The following LMX1A variants were observed in gnomAD, a reference collection of about 807,000 sequenced individuals.
The protein encoded by LMX1A is LIM homeobox transcription factor 1-alpha.
A neutral mutation model predicts 49.1 loss-of-function variants in LMX1A; 15 were observed. That is an observed-to-expected ratio of 0.31 (90% CI 0.20 to 0.47). The LOEUF is 0.47. Among genes scored for constraint, LMX1A ranks in the 20% least tolerant of loss-of-function variants. LMX1A has a pLI of 1.00. For missense variants in LMX1A, 372 were observed against 475.8 expected (o/e 0.78, Z 2.03); for synonymous variants, 167 against 185.7 (o/e 0.90, Z 0.82).
intron 3 of LMX1A, among the ~76,000 whole-genome samples, chr1:165,281,710 C>T (rs1324744125): frequency 6.6e-6 from 1 of 151,374 alleles, no homozygotes; most frequent in African/African-American, 2.4e-5. Context: ...ACTTAGCCAA[C>T]TGTACACACA....
chr1:165,352,607 C>T (rs759444610), intron 3 of LMX1A, among the ~76,000 whole-genome samples: 2 of 152,096 alleles, frequency 1.3e-5, no homozygotes, highest in Non-Finnish European at 2.9e-5. Flanking sequence ...GCTGCGGGGT[C>T]AATACAGTCT....
rs181754316 is a variant in LMX1A, at chr1:165,343,859, C to G, written c.263+9217G>C. On this transcript the variant is annotated intron_variant, in intron 3 of 8. Coordinates refer to ENST00000342310, the MANE Select transcript of LMX1A (RefSeq NM_177398.4). ...TCCAGTCTAGAGCCTAAAATTCTAC[C>G]CTAAGATAGTCATTCCTTTGACTGA... 8.5e-4 allele frequency among the ~76,000 whole-genome samples: 129 copies of G among 152,258 alleles called. 1 individual carries two copies. The highest frequency in any genetic ancestry group is 1.2e-3 in the Non-Finnish European group (80 of 68,024).
Position 165,264,777 on chromosome 1 carries a change from G to A in LMX1A, c.264-15137C>T, listed in dbSNP as rs971405025. Among the ~76,000 whole-genome samples the A allele has an allele frequency of 3.3e-5, 5 of 151,844 alleles. No homozygotes were observed. In the South Asian group the frequency reaches 8.3e-4, roughly 25 times the overall value. ...TTTGAGACCAGCCTGGGCAACTTGG[G>A]GAGACCCCGTCTCAATAAAAAAATT... On this transcript the variant is annotated intron_variant, in intron 3 of 8. Transcript: ENST00000342310.
At position 165,206,488 on chromosome 1, in the gene LMX1A, A is replaced by C. The variant is rs746556279; in HGVS notation, c.818-454T>G. Among the ~76,000 whole-genome samples the C allele has an allele frequency of 1.4e-4, 21 of 152,250 alleles. No homozygotes were observed. In the Middle Eastern group the frequency reaches 0.027, roughly 197 times the overall value. Reference sequence around the variant, plus strand: ...AGCAGGATTCACTTCCTGCCTCCACATCTTGCTGAGGTTCTCTGAACCTGG... The same window carrying C: ...AGCAGGATTCACTTCCTGCCTCCACCTCTTGCTGAGGTTCTCTGAACCTGG... On this transcript the variant is annotated intron_variant, in intron 7 of 8. Coordinates refer to ENST00000342310, the MANE Select transcript of LMX1A (RefSeq NM_177398.4).
At chr1:165,229,700 T>G (rs1473696738) in intron 4 of LMX1A, among the ~76,000 whole-genome samples, 1 of 150,544 alleles carries the variant, frequency 6.6e-6, no homozygotes, top group Non-Finnish European at 1.5e-5. Flanking sequence ...TGAACACTGG[T>G]TCTCAATCAG....
chr1:165,204,983 A>AT (rs1329531782), intron 8 of LMX1A, among the ~76,000 whole-genome samples: 1 of 152,028 alleles, frequency 6.6e-6, no homozygotes, highest in African/African-American at 2.4e-5. Flanking sequence ...AGTAGGCGTG[A>AT]TTTTAACAAC....
chr1:165,353,887 C>A (rs763191590), intron 2 of LMX1A, among the ~76,000 whole-genome samples: 3 of 152,064 alleles, frequency 2.0e-5, no homozygotes, highest in African/African-American at 7.2e-5. Flanking sequence ...AACTAAGAAG[C>A]GTCAAAACAG....
intron 4 of LMX1A, among the ~76,000 whole-genome samples, chr1:165,216,710 T>G (rs1395462770): frequency 3.3e-5 from 5 of 152,258 alleles, no homozygotes; most frequent in Non-Finnish European, 5.9e-5. Flanking sequence ...AAATGTATAT[T>G]GATAACATAA....
intron 8 of LMX1A, among the ~76,000 whole-genome samples, chr1:165,204,754 T>G (rs1344567252): frequency 6.6e-6 from 1 of 152,218 alleles, no homozygotes; most frequent in East Asian, 1.9e-4. Context: ...ATACTTCATG[T>G]AACACAATCC....
At chr1:165,246,214 C>T (rs974389065) in intron 4 of LMX1A, among the ~76,000 whole-genome samples, 6 of 152,076 alleles carry the variant, frequency 3.9e-5, no homozygotes, top group African/African-American at 1.4e-4. Context: ...GTTAAGGAAA[C>T]AAAGCAACCA....
rs1437975351 is a variant in LMX1A, at chr1:165,344,451, C to T, written c.263+8625G>A. On this transcript the variant is annotated intron_variant, in intron 3 of 8. Transcript: ENST00000342310. ...GTTATGTTTAAAAGGATTTGTTCCA[C>T]TGTCAAAACCAGAAAGCTCTCCCCA... Among the ~76,000 whole-genome samples the T allele has an allele frequency of 2.0e-5, 3 of 152,298 alleles. No homozygotes were observed. The East Asian group carries it at 5.8e-4, about 29-fold the overall frequency.
intron 6 of LMX1A, among the ~76,000 whole-genome samples, chr1:165,210,426 G>C (rs1651328249): frequency 6.6e-6 from 1 of 152,216 alleles, no homozygotes; most frequent in Non-Finnish European, 1.5e-5. Flanking sequence ...AAAAGACACA[G>C]AAAGACATTT....
intron 4 of LMX1A, among the ~76,000 whole-genome samples, chr1:165,241,184 C>G (rs1447674669): frequency 6.6e-6 from 1 of 152,156 alleles, no homozygotes; most frequent in Non-Finnish European, 1.5e-5. Flanking sequence ...TTTATGCACC[C>G]TAGCCACCCA....
chr1:165,206,146 G>T (rs1230986800), intron 7 of LMX1A, 112 bp from the exon 8 acceptor site: 5 of 968,704 alleles, frequency 5.2e-6, no homozygotes, highest in East Asian at 2.7e-5. Context: ...TGACATCAGT[G>T]GTCCCAGCCT....
intron 3 of LMX1A, among the ~76,000 whole-genome samples, chr1:165,279,735 TC>T (rs1654089393): frequency 6.6e-6 from 1 of 152,214 alleles, no homozygotes; most frequent in African/African-American, 2.4e-5. Flanking sequence ...TATTATTAGT[TC>T]CAACAAATGA....
At chr1:165,319,114 A>G (rs987688864) in intron 3 of LMX1A, among the ~76,000 whole-genome samples, 2 of 151,924 alleles carry the variant, frequency 1.3e-5, no homozygotes, top group African/African-American at 2.4e-5. Context: ...TACAGCCAAC[A>G]TTATATTTTA....
intron 3 of LMX1A, among the ~76,000 whole-genome samples, chr1:165,275,760 T>C (rs1438673916): frequency 6.6e-6 from 1 of 151,716 alleles, no homozygotes; most frequent in African/African-American, 2.4e-5. Flanking sequence ...GGGATGAAAA[T>C]GTGCAGCACA....
intron 3 of LMX1A, among the ~76,000 whole-genome samples, chr1:165,350,361 AG>A (rs1435969106): frequency 6.6e-6 from 1 of 152,170 alleles, no homozygotes; most frequent in Non-Finnish European, 1.5e-5. Flanking sequence ...AAATGGAAGA[AG>A]CCCTTGAGAA....
rs531512390 is a variant in LMX1A at position 165,244,628 on chromosome 1, T to G, written c.496+4780A>C. On this transcript the variant is annotated intron_variant, in intron 4 of 8. Coordinates refer to ENST00000342310, the MANE Select transcript of LMX1A (RefSeq NM_177398.4). ...GAGAGCAGAGAGGAGAAAAAGCAAT[T>G]TTTTATTTTTCCCCTCTATCTCTTT... Among the ~76,000 whole-genome samples, 37 of 152,146 alleles carry G rather than the reference T, an allele frequency of 2.4e-4. 1 individual carries two copies. Among genetic ancestry groups the G allele is most frequent in the Admixed American group, 2.0e-3 (30 of 15,284 alleles).
Sources: allele counts gnomAD v4.1 joint callset (sites outside exome capture counted in the v4.1 genomes callset), GRCh38; gene constraint gnomAD v4.1.1; transcripts MANE v1.5; gene names NCBI Gene and HGNC (gene_info 2026-07-23, HGNC 2026-07-21).